Variants in IQGAP3 observed in about 807,000 individuals in gnomAD.
The protein encoded by IQGAP3 is ras GTPase-activating-like protein IQGAP3.
IQGAP3 carries 165 observed loss-of-function variants against 208.2 expected under a neutral mutation model. The ratio of observed to expected loss-of-function variants is 0.79; its 90% CI spans 0.70 to 0.90. IQGAP3 has a LOEUF of 0.90. Ranked by LOEUF, IQGAP3 falls within the 40% of genes least tolerant of loss-of-function variation. The pLI, the probability that IQGAP3 is intolerant of heterozygous loss-of-function variation, is 0.00. For synonymous variants in IQGAP3, 703 were observed against 803.6 expected, an observed-to-expected ratio of 0.87 and a Z score of 2.12; for missense variants, 1,811 against 2,043.1, an observed-to-expected ratio of 0.89 and a Z score of 2.19.
intron 26 of IQGAP3, among the ~76,000 whole-genome samples, chr1:156,538,016 C>T (rs769820420): frequency 5.3e-5 from 8 of 151,882 alleles, no homozygotes; most frequent in Non-Finnish European, 7.4e-5. Flanking sequence ...CTCAGCCTCC[C>T]GAGTAGCTGG....
chr1:156,549,432 C>A (rs1675433025), intron 16 of IQGAP3, among the ~76,000 whole-genome samples: 1 of 146,642 alleles, frequency 6.8e-6, no homozygotes, highest in South Asian at 2.2e-4. Context: ...GATTATACCA[C>A]TGCACTCCAG....
rs950720113 is a variant in IQGAP3, at chr1:156,532,964, G to A, written c.4103+16C>T. On this transcript the variant is annotated intron_variant, in intron 32 of 37. Coordinates refer to ENST00000361170, the MANE Select transcript of IQGAP3 (RefSeq NM_178229.5). ...GGGAGCTCAGGTATGCAGGGGCAGAGGCTGGCATCACCCACCTCAGAAGCA... is the reference window on the plus strand; with the variant it reads ...GGGAGCTCAGGTATGCAGGGGCAGAAGCTGGCATCACCCACCTCAGAAGCA... 6.8e-6 allele frequency: 11 copies of A among 1,613,668 alleles called. No homozygotes were observed. The highest frequency in any genetic ancestry group is 8.5e-6 in the Non-Finnish European group (10 of 1,179,776).
chr1:156,534,671 G>C lies in IQGAP3; in HGVS notation c.3570C>G (p.Phe1190Leu), dbSNP rs372754465. 5.0e-6 allele frequency: 8 copies of C among 1,611,622 alleles called. No homozygotes were observed. The highest frequency in any genetic ancestry group is 5.9e-6 in the Non-Finnish European group (7 of 1,179,474). ...CACCAGCTGCCATGGCCACAATGTC[G>C]AAGGCGTCAGGAGCCACCACAGCTG... is the stretch of plus-strand genomic sequence containing the variant. ...LNPAVVAPDA[F>L]DIVAMAAGGA... The change falls in exon 29 of 38, where the codon TTC (phenylalanine) becomes TTG (leucine). Residue 1190 changes from phenylalanine to leucine, a missense_variant. Physicochemically the swap from Phe to Leu is conservative, Grantham distance 22 (BLOSUM62 0). Transcript: ENST00000361170.
chr1:156,528,383 C>T (rs952468895), intron 36 of IQGAP3, 126 bp downstream of exon 36: 9 of 695,660 alleles, frequency 1.3e-5, no homozygotes, highest in African/African-American at 1.2e-4. Flanking sequence ...TCTCCACCAT[C>T]ATTCTAGCAG....
intron 19 of IQGAP3, among the ~76,000 whole-genome samples, chr1:156,547,210 A>G (rs935835913): frequency 6.6e-6 from 1 of 152,162 alleles, no homozygotes; most frequent in African/African-American, 2.4e-5. Flanking sequence ...TGGACCATCC[A>G]CGGGTTGGAA....
intron 12 of IQGAP3, among the ~76,000 whole-genome samples, chr1:156,555,152 T>A (rs2102417927): frequency 6.6e-6 from 1 of 152,226 alleles, no homozygotes; most frequent in East Asian, 1.9e-4. Flanking sequence ...CCCAAGAAGC[T>A]CCGGCCCCAT....
rs569515125 is a variant in IQGAP3 at position 156,565,695 on chromosome 1, G to A, written c.360+332C>T. On this transcript the variant is annotated intron_variant, in intron 4 of 37. Coordinates refer to ENST00000361170, the MANE Select transcript of IQGAP3 (RefSeq NM_178229.5). ...AACTCAAAGTCTGCCACCTAGGGAT[G>A]TGTATACCCTTGCTTCACACTGTGA... 5.3e-5 allele frequency among the ~76,000 whole-genome samples: 8 copies of A among 152,342 alleles called. 1 individual carries two copies. The South Asian group carries it at 1.7e-3, about 32-fold the overall frequency.
At chr1:156,570,366 C>A (rs561315650) in intron 1 of IQGAP3, among the ~76,000 whole-genome samples, 7 of 152,230 alleles carry the variant, frequency 4.6e-5, no homozygotes, top group African/African-American at 1.7e-4. Context: ...CATGGTGAGA[C>A]CCTGTCTTGA....
chr1:156,539,219 G>A, intron 25 of IQGAP3, 155 bp downstream of exon 25: 1 of 834,676 alleles, frequency 1.2e-6, no homozygotes, highest in African/African-American at 1.7e-5. Flanking sequence ...TGCTGTCCCA[G>A]ATGTTTTACG....
rs576562567 is a variant in IQGAP3 at position 156,531,047 on chromosome 1, G to A, written c.4191+113C>T. ...GTTCTCATTACTGGTGAGCACAGGT[G>A]TCTGCTTCTGGCTGATGTGGGTGAG... On this transcript the variant is annotated intron_variant, in intron 33 of 37. Coordinates refer to ENST00000361170, the MANE Select transcript of IQGAP3 (RefSeq NM_178229.5). 4 of 781,346 alleles carry A rather than the reference G, an allele frequency of 5.1e-6. No homozygotes were observed. In the South Asian group the frequency reaches 5.6e-5, roughly 11 times the overall value. The allele number at this position is 781,346 out of a possible 1,614,324, so 48.4% of individuals were successfully genotyped here. A position where few individuals can be genotyped will look rare whatever the true frequency, so the allele number is the denominator to read the frequency against.
Position 156,539,958 on chromosome 1 carries a change from C to G in IQGAP3, c.2772G>C (p.Lys924Asn). The change falls in exon 24 of 38, where the codon AAG becomes AAC. Residue 924 changes from lysine to asparagine, a missense_variant. Physicochemically the swap from Lys to Asn is moderately conservative, Grantham distance 94. Coordinates refer to ENST00000361170, the MANE Select transcript of IQGAP3 (RefSeq NM_178229.5). ...TATCTGACAGCTGTTCCTTATTCCT[C>G]TTGGTCAGCTTCTTGCAGTGGGAGA... ...EVVSHCKKLT[K>N]RNKEQLSDMM... 1 of 1,614,118 alleles carries G rather than the reference C, an allele frequency of 6.2e-7. No homozygotes were observed. The highest frequency in any genetic ancestry group is 1.1e-5 in the South Asian group (1 of 91,082).
Position 156,544,069 on chromosome 1 carries a change from G to A in IQGAP3, c.2461-19C>T. 6.2e-7 allele frequency: 1 copy of A among 1,614,050 alleles called. No individual in the cohort carries two copies. Among genetic ancestry groups the A allele is most frequent in the South Asian group, 1.1e-5 (1 of 91,074 alleles). ...AGTTAACCTGCCACAAACACAGATT[G>A]GAAAAGGGTTGCTGGCTGTCCTTGC... On this transcript the variant is annotated intron_variant, in intron 21 of 37. Coordinates refer to ENST00000361170, the MANE Select transcript of IQGAP3 (RefSeq NM_178229.5).
At chr1:156,547,368 CACACAG>C (rs1326028879) in intron 19 of IQGAP3, among the ~76,000 whole-genome samples, 4 of 145,344 alleles carry the variant, frequency 2.8e-5, no homozygotes, top group African/African-American at 7.8e-5. Context: ...AACACACAGA[CACACAG>C]ACACAGACAC....
chr1:156,562,679 A>G lies in IQGAP3; in HGVS notation c.799-14T>C. 1 of 1,607,932 alleles carries G rather than the reference A, an allele frequency of 6.2e-7. No homozygotes were observed. The highest frequency in any genetic ancestry group is 8.5e-7 in the Non-Finnish European group (1 of 1,174,418). The stretch of plus-strand genomic sequence containing the variant: ...TTCTCTGTCATCCTGCAAAAACTCC[A>G]TTGAAAGGGAACCTGGGAAACCCAA... On this transcript the variant is annotated splice_polypyrimidine_tract_variant and intron_variant, in intron 8 of 37. Transcript: ENST00000361170.
chr1:156,562,081 C>T, intron 9 of IQGAP3, 80 bp from the exon 10 acceptor site: 2 of 1,247,294 alleles, frequency 1.6e-6, no homozygotes, highest in South Asian at 3.0e-5. Flanking sequence ...AGGAATCTAC[C>T]CTCTTCTTGC....
At chr1:156,552,792 C>T (rs975648257) in intron 13 of IQGAP3, among the ~76,000 whole-genome samples, 7 of 152,168 alleles carry the variant, frequency 4.6e-5, no homozygotes, top group Non-Finnish European at 7.4e-5. Context: ...TAGATCAGAT[C>T]GCTGGGCACG....
At chr1:156,529,385 T>C (rs192325069) in intron 34 of IQGAP3, among the ~76,000 whole-genome samples, 86 of 152,208 alleles carry the variant, frequency 5.7e-4, no homozygotes, top group African/African-American at 2.0e-3. Context: ...GTGTGAGATA[T>C]GCTTCTCTCA....
At chr1:156,559,987 C>T (rs7527369) in intron 11 of IQGAP3, among the ~76,000 whole-genome samples, 97,101 of 151,972 alleles carry the variant, frequency 0.64, 31,405 homozygotes, top group Non-Finnish European at 0.69. Flanking sequence ...AGGAGTGGCC[C>T]GGGGGCTACT....
rs1281622957 is a variant in IQGAP3, at chr1:156,533,039, G to A, written c.4044C>T (p.Asn1348=). The A allele has an allele frequency of 1.2e-6, 2 of 1,613,988 alleles. No individual in the cohort carries two copies. The highest frequency in any genetic ancestry group is 1.1e-5 in the South Asian group (1 of 91,082). The stretch of plus-strand genomic sequence containing the variant: ...CATCTGCCTCTAGTCCTTCAAACTT[G>A]TTGGTCAGCGTCAGGGACACTTCTA... The part of the protein sequence containing the change: ...SKLEVSLTLT[N]KFEGLEADAD... The change falls in exon 32 of 38, where the codon AAC becomes AAT. Residue 1348 remains asparagine, a synonymous_variant. Coordinates refer to ENST00000361170, the MANE Select transcript of IQGAP3 (RefSeq NM_178229.5).
Sources: gnomAD v4.1 joint callset for allele counts (sites outside exome capture counted in the v4.1 genomes callset) on GRCh38, gnomAD v4.1.1 for gene constraint, MANE v1.5 for transcripts, NCBI Gene and HGNC (gene_info 2026-07-23, HGNC 2026-07-21) for gene names.